The following APP variants were observed in gnomAD, a reference collection of about 807,000 sequenced individuals.
APP encodes amyloid-beta precursor protein.
Under a neutral mutation model 101.4 loss-of-function variants are expected in APP, and 31 were observed. The observed-to-expected ratio is 0.31, with a 90% CI of 0.23 to 0.41. The LOEUF is 0.41. APP is among the 10% of genes least tolerant of loss of function. The pLI is 1.00. For synonymous variants in APP, 366 were observed against 364.4 expected, an observed-to-expected ratio of 1.00 and a Z score of -0.05; for missense variants, 839 against 1,003.7, an observed-to-expected ratio of 0.84 and a Z score of 2.22.
At chr21:25,984,945 A>G (rs187298538) in intron 8 of APP, among the ~76,000 whole-genome samples, 1 of 152,192 alleles carries the variant, frequency 6.6e-6, no homozygotes, top group African/African-American at 2.4e-5. Context: ...ACCCCTTTGG[A>G]AAACTGGAAT....
intron 5 of APP, among the ~76,000 whole-genome samples, chr21:26,040,377 G>A (rs541577634): frequency 6.6e-6 from 1 of 152,174 alleles, no homozygotes; most frequent in South Asian, 2.1e-4. Context: ...CGAGGCCAGT[G>A]GATCACTTGA....
At chr21:25,969,495 T>C (rs2041928530) in intron 11 of APP, among the ~76,000 whole-genome samples, 1 of 151,458 alleles carries the variant, frequency 6.6e-6, no homozygotes, top group African/African-American at 2.4e-5. Flanking sequence ...TGGCAAGTAA[T>C]GCCCCCTAGA....
intron 3 of APP, among the ~76,000 whole-genome samples, chr21:26,062,230 A>ACACACACACACACACACACAC (rs57087990): frequency 6.9e-6 from 1 of 145,036 alleles, no homozygotes; most frequent in African/African-American, 2.5e-5. Context: ...CAAACAAACA[A>ACACACACACACACACACACAC]ACACACACAC....
intron 1 of APP, chr21:26,140,093 G>A (rs2063008881): frequency 8.3e-7 from 1 of 1,209,096 alleles, no homozygotes; most frequent in African/African-American, 1.5e-5. Flanking sequence ...TCTGAGAACA[G>A]AGTTTCATCT....
chr21:25,963,519 A>G (rs1347048485), intron 11 of APP, among the ~76,000 whole-genome samples: 1 of 152,218 alleles, frequency 6.6e-6, no homozygotes, highest in Non-Finnish European at 1.5e-5. Flanking sequence ...TCCAGGTCAC[A>G]GAAAACCCTC....
intron 3 of APP, among the ~76,000 whole-genome samples, chr21:26,083,226 A>G (rs2061632833): frequency 6.6e-6 from 1 of 152,228 alleles, no homozygotes; most frequent in African/African-American, 2.4e-5. Context: ...AAATTTATCT[A>G]CCAGGATGTT....
At chr21:25,906,065 G>A (rs1399089436) in intron 14 of APP, among the ~76,000 whole-genome samples, 1 of 152,178 alleles carries the variant, frequency 6.6e-6, no homozygotes, top group Non-Finnish European at 1.5e-5. Context: ...CGATGAAATG[G>A]CTTCTAACAA....
intron 6 of APP, among the ~76,000 whole-genome samples, chr21:26,010,572 G>A (rs2043746690): frequency 6.6e-6 from 1 of 152,072 alleles, no homozygotes; most frequent in Admixed American, 6.5e-5. Context: ...CACTTTGGGA[G>A]GCCGAGATGG....
At chr21:25,964,401 A>C (rs1178042670) in intron 11 of APP, among the ~76,000 whole-genome samples, 1 of 152,194 alleles carries the variant, frequency 6.6e-6, no homozygotes, top group Admixed American at 6.5e-5. Flanking sequence ...ACAAAAGCTA[A>C]AACAACAGAA....
intron 8 of APP, among the ~76,000 whole-genome samples, chr21:25,992,494 G>A (rs1186281988): frequency 3.3e-5 from 5 of 152,030 alleles, no homozygotes; most frequent in Non-Finnish European, 5.9e-5. Flanking sequence ...TCAATATTCC[G>A]AAATCCAAAA....
In APP at chr21:26,072,505, A is replaced by T. The variant is rs181135852; in HGVS notation, c.355+17438T>A. 2.3e-4 allele frequency among the ~76,000 whole-genome samples: 35 copies of T among 152,342 alleles called. 1 individual carries two copies. The East Asian group carries it at 6.7e-3, about 29-fold the overall frequency. On this transcript the variant is annotated intron_variant, in intron 3 of 17. Transcript: ENST00000346798. ...AGTATCTGAAATACTTTTCAACGTC[A>T]AACTTTGAGAGGATTATGCTTAATT...
intron 6 of APP, among the ~76,000 whole-genome samples, chr21:26,003,878 G>C (rs116752291): frequency 0.023 from 3,515 of 152,314 alleles, 142 homozygotes; most frequent in African/African-American, 0.08. Context: ...GCTGACTTCG[G>C]AGAGGACTGG....
intron 6 of APP, among the ~76,000 whole-genome samples, chr21:26,019,460 A>AAGTTCCCTCTT (rs1250002887): frequency 6.6e-6 from 1 of 151,958 alleles, no homozygotes; most frequent in East Asian, 1.9e-4. Flanking sequence ...ATCAATCCAG[A>AAGTTCCCTCTT]AGTTCCCTCT....
intron 1 of APP, among the ~76,000 whole-genome samples, chr21:26,147,529 T>C (rs1470357074): frequency 6.6e-6 from 1 of 152,190 alleles, no homozygotes; most frequent in Non-Finnish European, 1.5e-5. Flanking sequence ...GTTTTAAATA[T>C]AATACACTAA....
intron 2 of APP, among the ~76,000 whole-genome samples, chr21:26,102,165 C>G (rs1038395091): frequency 6.7e-6 from 1 of 149,964 alleles, no homozygotes; most frequent in Non-Finnish European, 1.5e-5. Context: ...CTCGGCTCAC[C>G]GCAAGCTCCA....
intron 11 of APP, among the ~76,000 whole-genome samples, chr21:25,956,337 T>C (rs1205764416): frequency 2.6e-5 from 4 of 152,250 alleles, no homozygotes; most frequent in Non-Finnish European, 5.9e-5. Context: ...AATTAAGTTC[T>C]TTCTAAGCTA....
At chr21:26,107,114 AT>A (rs2062200198) in intron 2 of APP, among the ~76,000 whole-genome samples, 1 of 152,178 alleles carries the variant, frequency 6.6e-6, no homozygotes, top group Non-Finnish European at 1.5e-5. Flanking sequence ...TAAATAAGCT[AT>A]TTTACGACTT....
intron 13 of APP, among the ~76,000 whole-genome samples, chr21:25,945,181 A>G (rs1422042310): frequency 1.3e-5 from 2 of 152,154 alleles, no homozygotes; most frequent in Non-Finnish European, 2.9e-5. Context: ...AATCTCACCA[A>G]AATTTGGAGT....
intron 8 of APP, among the ~76,000 whole-genome samples, chr21:25,987,158 G>GC (rs1358466846): frequency 6.6e-6 from 1 of 152,166 alleles, no homozygotes; most frequent in African/African-American, 2.4e-5. Context: ...AGCTGTTCCT[G>GC]CCCCAAACAC....
Sources: allele counts gnomAD v4.1 joint callset (sites outside exome capture counted in the v4.1 genomes callset), GRCh38; gene constraint gnomAD v4.1.1; transcripts MANE v1.5; gene names NCBI Gene and HGNC (gene_info 2026-07-23, HGNC 2026-07-21).